Variants in CDYL2 observed in about 807,000 individuals in gnomAD.
CDYL2 encodes the protein chromodomain Y like 2.
Under a neutral mutation model 49.4 loss-of-function variants are expected in CDYL2, and 23 were observed. That is an observed-to-expected ratio of 0.47 (90% CI 0.34 to 0.66). CDYL2 has a LOEUF of 0.66. CDYL2 is among the 30% of genes least tolerant of loss of function. The pLI is 0.01. For synonymous variants in CDYL2, 360 were observed against 268.8 expected (o/e 1.34, Z -3.32); for missense variants, 678 against 656.4 (o/e 1.03, Z -0.36).
intron 2 of CDYL2, among the ~76,000 whole-genome samples, chr16:80,637,475 G>A (rs988907959): frequency 6.6e-6 from 1 of 152,090 alleles, no homozygotes; most frequent in Non-Finnish European, 1.5e-5. Flanking sequence ...TTTGTCCACA[G>A]ATGACAAGAC....
At chr16:80,705,714 T>C (rs965904662) in intron 1 of CDYL2, among the ~76,000 whole-genome samples, 7 of 152,280 alleles carry the variant, frequency 4.6e-5, no homozygotes, top group African/African-American at 1.4e-4. Flanking sequence ...ATGGTCTCTG[T>C]TGCAACTACT....
chr16:80,749,900 G>A (rs1265700899), intron 1 of CDYL2, among the ~76,000 whole-genome samples: 1 of 152,106 alleles, frequency 6.6e-6, no homozygotes, highest in Non-Finnish European at 1.5e-5. Flanking sequence ...GGAATACTAT[G>A]CAACCATTAA....
intron 1 of CDYL2, among the ~76,000 whole-genome samples, chr16:80,704,543 C>G (rs1358329529): frequency 1.3e-5 from 2 of 152,208 alleles, no homozygotes; most frequent in African/African-American, 4.8e-5. Flanking sequence ...GATAAGTGCT[C>G]TAGACAAAAG....
chr16:80,790,727 G>A (rs1907582183), intron 1 of CDYL2, among the ~76,000 whole-genome samples: 1 of 152,122 alleles, frequency 6.6e-6, no homozygotes, highest in Non-Finnish European at 1.5e-5. Flanking sequence ...TAGATATAAG[G>A]TGCTCCCTAT....
chr16:80,601,841 A>C lies in CDYL2; in HGVS notation c.*2547T>G, dbSNP rs2142350457. 1 of 152,338 alleles carries C rather than the reference A, an allele frequency of 6.6e-6. No homozygotes were observed. Among genetic ancestry groups the C allele is most frequent in the Non-Finnish European group, 1.5e-5 (1 of 68,046 alleles). The allele number at this position is 152,338 out of a possible 1,614,324, so 9.4% of individuals were successfully genotyped here. A position where few individuals can be genotyped will look rare whatever the true frequency, so the allele number is the denominator to read the frequency against. ...GACTTAACAGCAAGATTTCCACCTT[A>C]GAAATGGTTTCACATTCCTACCTTA... is the stretch of plus-strand genomic sequence containing the variant. On this transcript the variant is annotated 3_prime_UTR_variant, in exon 7 of 7. Transcript: ENST00000570137.
intron 1 of CDYL2, among the ~76,000 whole-genome samples, chr16:80,702,773 G>C (rs758780290): frequency 6.6e-6 from 1 of 152,126 alleles, no homozygotes; most frequent in Non-Finnish European, 1.5e-5. Flanking sequence ...AATATTAGGA[G>C]GCTAGCCTGG....
chr16:80,629,367 A>G (rs1907448961), intron 3 of CDYL2, among the ~76,000 whole-genome samples: 1 of 152,216 alleles, frequency 6.6e-6, no homozygotes, highest in Non-Finnish European at 1.5e-5. Context: ...AACATATGAA[A>G]GAGCTATTCA....
At chr16:80,799,504 C>G (rs1310758557) in intron 1 of CDYL2, among the ~76,000 whole-genome samples, 1 of 152,182 alleles carries the variant, frequency 6.6e-6, no homozygotes, top group Non-Finnish European at 1.5e-5. Flanking sequence ...GCTATGAATT[C>G]AACCACACCC....
intron 2 of CDYL2, among the ~76,000 whole-genome samples, chr16:80,649,480 T>C (rs1196804590): frequency 6.6e-6 from 1 of 151,994 alleles, no homozygotes; most frequent in African/African-American, 2.4e-5. Flanking sequence ...CGAAAGAAAT[T>C]GAAGAGGACG....
chr16:80,604,346 C>T lies in CDYL2; in HGVS notation c.*42G>A, dbSNP rs764912316. The T allele has an allele frequency of 1.9e-6, 3 of 1,611,260 alleles. No homozygotes were observed. The highest frequency in any genetic ancestry group is 1.3e-5 in the African/African-American group (1 of 74,722). On this transcript the variant is annotated 3_prime_UTR_variant, in exon 7 of 7. Transcript: ENST00000570137. ...ACACTGTGCTCTGGTTTCCGAAACACAGGGCAGAGCTGGAAGTTGGGGGCC... is the reference window on the plus strand; with the variant it reads ...ACACTGTGCTCTGGTTTCCGAAACATAGGGCAGAGCTGGAAGTTGGGGGCC...
chr16:80,798,111 G>A (rs560766976), intron 1 of CDYL2, among the ~76,000 whole-genome samples: 75 of 152,292 alleles, frequency 4.9e-4, no homozygotes, highest in Admixed American at 4.4e-3. Flanking sequence ...TGTGATCTCA[G>A]CTAACTGCAA....
intron 4 of CDYL2, among the ~76,000 whole-genome samples, chr16:80,613,784 C>T (rs140265236): frequency 1.5e-3 from 225 of 152,312 alleles, no homozygotes; most frequent in African/African-American, 5.0e-3. Flanking sequence ...CTAGTAAAGT[C>T]TGCATCCTTC....
chr16:80,677,690 G>C (rs1289685788), intron 2 of CDYL2, among the ~76,000 whole-genome samples: 1 of 151,724 alleles, frequency 6.6e-6, no homozygotes, highest in Non-Finnish European at 1.5e-5. Flanking sequence ...AGTGAGCCAA[G>C]ATTGCACCAC....
intron 1 of CDYL2, among the ~76,000 whole-genome samples, chr16:80,798,904 G>A (rs1430766815): frequency 3.3e-5 from 5 of 151,658 alleles, no homozygotes; most frequent in African/African-American, 4.8e-5. Context: ...CGATAACAGG[G>A]GATTAGTTAT....
intron 1 of CDYL2, among the ~76,000 whole-genome samples, chr16:80,730,166 A>C (rs948567056): frequency 3.9e-5 from 6 of 152,120 alleles, no homozygotes; most frequent in Admixed American, 1.3e-4. Flanking sequence ...TCCAGGATCT[A>C]GTTTTTTGAA....
chr16:80,766,597 C>A (rs1248834768), intron 1 of CDYL2, among the ~76,000 whole-genome samples: 2 of 152,200 alleles, frequency 1.3e-5, no homozygotes, highest in Non-Finnish European at 2.9e-5. Context: ...GCAGGCACTA[C>A]TCTTACTCAA....
At chr16:80,724,955 C>T (rs888888730) in intron 1 of CDYL2, among the ~76,000 whole-genome samples, 1 of 152,214 alleles carries the variant, frequency 6.6e-6, no homozygotes, top group Admixed American at 6.5e-5. Context: ...TTGGTGGTTT[C>T]CCACTGAACT....
intron 1 of CDYL2, among the ~76,000 whole-genome samples, chr16:80,745,913 A>G (rs1000329486): frequency 2.6e-5 from 4 of 152,184 alleles, no homozygotes; most frequent in Admixed American, 2.0e-4. Flanking sequence ...ACCCACAAGA[A>G]GTAACACGTG....
rs373490866 is a variant in CDYL2, at chr16:80,633,251, T to G, written c.617-15A>C. 3.7e-6 allele frequency: 6 copies of G among 1,606,506 alleles called. No homozygotes were observed. In the African/African-American group the frequency reaches 8.0e-5, roughly 22 times the overall value. On this transcript the variant is annotated splice_polypyrimidine_tract_variant and intron_variant, in intron 2 of 6. Coordinates refer to ENST00000570137, the MANE Select transcript of CDYL2 (RefSeq NM_152342.4). Reference sequence around the variant, plus strand: ...CAGAGCAGAGCCTTCCAAAACCAGATAAACAATGTAAGAAACTGAAATGGA... The same window carrying G: ...CAGAGCAGAGCCTTCCAAAACCAGAGAAACAATGTAAGAAACTGAAATGGA...
Sources: allele counts gnomAD v4.1 joint callset (sites outside exome capture counted in the v4.1 genomes callset), GRCh38; gene constraint gnomAD v4.1.1; transcripts MANE v1.5; gene names NCBI Gene and HGNC (gene_info 2026-07-23, HGNC 2026-07-21).